The following FHIT variants were observed in gnomAD, a reference collection of about 807,000 sequenced individuals.
The protein encoded by FHIT is fragile histidine triad diadenosine triphosphatase, also known as bis(5'-adenosyl)-triphosphatase.
In FHIT, 19 loss-of-function variants were observed where a neutral mutation model predicts 17.9. The observed-to-expected ratio is 1.06, with a 90% CI of 0.74 to 1.56. The LOEUF (loss-of-function observed/expected upper bound fraction) is 1.56. Ranked by LOEUF, FHIT falls within the 40% of genes most tolerant of loss-of-function variation. The pLI is 0.00. For missense variants in FHIT, 248 were observed against 189.2 expected (o/e 1.31, Z -1.82); for synonymous variants, 81 against 69.7 (o/e 1.16, Z -0.81).
intron 8 of FHIT, among the ~76,000 whole-genome samples, chr3:59,880,027 A>C (rs976679848): frequency 1.8e-4 from 27 of 152,124 alleles, no homozygotes; most frequent in African/African-American, 5.8e-4. Context: ...AAGACAGAAC[A>C]CAAGATAGAA....
intron 5 of FHIT, among the ~76,000 whole-genome samples, chr3:60,050,365 C>A (rs947749723): frequency 6.6e-6 from 1 of 152,034 alleles, no homozygotes; most frequent in Non-Finnish European, 1.5e-5. Context: ...GAAGAAATTT[C>A]ATCTTTTCTA....
At chr3:59,947,956 A>C (rs1323154752) in intron 7 of FHIT, among the ~76,000 whole-genome samples, 1 of 152,106 alleles carries the variant, frequency 6.6e-6, no homozygotes, top group East Asian at 1.9e-4. Context: ...AGATCCATAC[A>C]AGCTGTTTTG....
chr3:59,806,037 C>T (rs1434506557), intron 8 of FHIT, among the ~76,000 whole-genome samples: 3 of 151,924 alleles, frequency 2.0e-5, no homozygotes, highest in Admixed American at 6.6e-5. Context: ...AAAATTTAGC[C>T]GGGTGTGGTG....
At chr3:60,850,505 A>C (rs1176236922) in intron 3 of FHIT, among the ~76,000 whole-genome samples, 1 of 152,076 alleles carries the variant, frequency 6.6e-6, no homozygotes, top group Admixed American at 6.6e-5. Flanking sequence ...TATTTTGTTA[A>C]TAGCTCTCAT....
At chr3:60,109,149 G>A (rs1268099139) in intron 5 of FHIT, among the ~76,000 whole-genome samples, 2 of 152,138 alleles carry the variant, frequency 1.3e-5, no homozygotes, top group African/African-American at 4.8e-5. Flanking sequence ...CAGGGAGAGA[G>A]AGAGATTACA....
chr3:60,009,928 C>T (rs936493362), intron 7 of FHIT, among the ~76,000 whole-genome samples: 4 of 152,150 alleles, frequency 2.6e-5, no homozygotes, highest in African/African-American at 9.6e-5. Flanking sequence ...CCTATCTATT[C>T]ATATAAGTTT....
At chr3:60,540,873 C>G (rs1388153011) in intron 4 of FHIT, among the ~76,000 whole-genome samples, 2 of 152,124 alleles carry the variant, frequency 1.3e-5, no homozygotes, top group Non-Finnish European at 2.9e-5. Context: ...ACATTTACAA[C>G]CAGCTCATTA....
rs1283673249 is a variant in FHIT at position 61,142,784 on chromosome 3, AAT to A, written c.-164+57831_-164+57832del. On this transcript the variant is annotated intron_variant, in intron 2 of 9. Transcript: ENST00000492590. ...TTCAAACATATCAAGAGTATCTGTT[AAT>A]ATTTAAAATTAGGCTGTTAGCCTGT... Among the ~76,000 whole-genome samples the A allele has an allele frequency of 7.9e-5, 12 of 152,342 alleles. No individual in the cohort carries two copies. The East Asian group carries it at 1.7e-3, about 22-fold the overall frequency.
At chr3:60,376,784 T>C (rs1700579245) in intron 5 of FHIT, among the ~76,000 whole-genome samples, 1 of 152,198 alleles carries the variant, frequency 6.6e-6, no homozygotes, top group South Asian at 2.1e-4. Context: ...TTCTCTGCCA[T>C]CTTTGAAAAT....
intron 4 of FHIT, among the ~76,000 whole-genome samples, chr3:60,813,527 T>A (rs1701636389): frequency 6.6e-6 from 1 of 152,112 alleles, no homozygotes; most frequent in Admixed American, 6.6e-5. Flanking sequence ...CTTAAACATA[T>A]ACAACGCATT....
At chr3:60,709,810 T>C (rs1382774539) in intron 4 of FHIT, among the ~76,000 whole-genome samples, 5 of 152,216 alleles carry the variant, frequency 3.3e-5, no homozygotes, top group Non-Finnish European at 7.3e-5. Flanking sequence ...TTTATCACTA[T>C]CAACAAATAC....
intron 2 of FHIT, among the ~76,000 whole-genome samples, chr3:61,168,373 A>T (rs982932902): frequency 6.6e-6 from 1 of 152,220 alleles, no homozygotes; most frequent in African/African-American, 2.4e-5. Context: ...CACTCTCAGA[A>T]ATGTGACTTC....
chr3:61,227,337 A>G (rs1453208105), intron 1 of FHIT, among the ~76,000 whole-genome samples: 2 of 152,210 alleles, frequency 1.3e-5, no homozygotes, highest in Non-Finnish European at 2.9e-5. Context: ...CCTCTGTCCT[A>G]TCTTGCCACA....
chr3:60,592,194 A>G (rs1576936696), intron 4 of FHIT, among the ~76,000 whole-genome samples: 2 of 147,596 alleles, frequency 1.4e-5, no homozygotes, highest in South Asian at 4.2e-4. Context: ...ATCTCTCTAT[A>G]TATTCTCTAT....
chr3:60,275,693 T>C (rs1707096858), intron 5 of FHIT, among the ~76,000 whole-genome samples: 2 of 152,124 alleles, frequency 1.3e-5, no homozygotes, highest in African/African-American at 2.4e-5. Context: ...GATCAATAAA[T>C]GCATACTTAG....
At chr3:60,873,565 A>C (rs1372889073) in intron 3 of FHIT, among the ~76,000 whole-genome samples, 1 of 152,136 alleles carries the variant, frequency 6.6e-6, no homozygotes, top group East Asian at 1.9e-4. Context: ...GAAGTACACA[A>C]ACCAACAAAC....
chr3:60,920,134 T>C (rs1707206057), intron 3 of FHIT, among the ~76,000 whole-genome samples: 1 of 152,000 alleles, frequency 6.6e-6, no homozygotes, highest in Non-Finnish European at 1.5e-5. Flanking sequence ...ATTTTTTCAA[T>C]AAAATGGGAG....
At chr3:60,493,059 T>C (rs2034134722) in intron 5 of FHIT, among the ~76,000 whole-genome samples, 2 of 152,026 alleles carry the variant, frequency 1.3e-5, no homozygotes, top group Non-Finnish European at 2.9e-5. Context: ...CAAGGAGAAA[T>C]ACAAATCAAG....
chr3:60,738,330 G>A (rs6779250), intron 4 of FHIT, among the ~76,000 whole-genome samples: 7,955 of 152,210 alleles, frequency 0.052, 264 homozygotes, highest in Middle Eastern at 0.078. Context: ...AGAGTAACTG[G>A]CCCAGCAATG....
Sources: gnomAD v4.1 joint callset for allele counts (sites outside exome capture counted in the v4.1 genomes callset) on GRCh38, gnomAD v4.1.1 for gene constraint, MANE v1.5 for transcripts, NCBI Gene and HGNC (gene_info 2026-07-23, HGNC 2026-07-21) for gene names.